The following VIRMA variants were observed in gnomAD, a reference collection of about 807,000 sequenced individuals.
The protein encoded by VIRMA is vir like m6A methyltransferase associated, also known as protein virilizer homolog.
A neutral mutation model predicts 182.4 loss-of-function variants in VIRMA; 65 were observed. The observed-to-expected ratio is 0.36, with a 90% confidence interval of 0.29 to 0.44. The LOEUF (loss-of-function observed/expected upper bound fraction) is 0.44, where lower values mean the gene tolerates loss of function less well. Among genes scored for constraint, VIRMA ranks in the 20% least tolerant of loss-of-function variants. VIRMA has a pLI of 1.00. For missense variants in VIRMA, 1,752 were observed against 2,158.1 expected (o/e 0.81, Z 3.73); for synonymous variants, 709 against 743.1 (o/e 0.95, Z 0.75).
chr8:94,516,627 T>G (rs1586085220), intron 10 of VIRMA, among the ~76,000 whole-genome samples: 1 of 152,184 alleles, frequency 6.6e-6, no homozygotes, highest in African/African-American at 2.4e-5. Context: ...ATCTTTCTTA[T>G]ATATAGAATA....
intron 11 of VIRMA, 77 bp from the exon 12 acceptor site, chr8:94,512,166 T>G: frequency 1.8e-6 from 1 of 549,270 alleles, no homozygotes. Flanking sequence ...GACAAGGAAT[T>G]ACTTGAAAAT....
chr8:94,535,669 T>C (rs2130371661), intron 4 of VIRMA, among the ~76,000 whole-genome samples: 1 of 151,692 alleles, frequency 6.6e-6, no homozygotes, highest in Admixed American at 6.6e-5. Flanking sequence ...TAATCCCAGA[T>C]ACTCAGGAGA....
intron 8 of VIRMA, among the ~76,000 whole-genome samples, chr8:94,520,243 C>T (rs1814716233): frequency 6.6e-6 from 1 of 150,528 alleles, no homozygotes; most frequent in Non-Finnish European, 1.5e-5. Context: ...ACCTGTAATC[C>T]CAGCACTCTG....
In VIRMA at chr8:94,490,022, C is replaced by G; in HGVS notation, c.5201G>C (p.Arg1734Pro). The G allele has an allele frequency of 6.2e-7, 1 of 1,614,138 alleles. No homozygotes were observed. Among genetic ancestry groups the G allele is most frequent in the Admixed American group, 1.7e-5 (1 of 60,022 alleles). Residue 1734 changes from arginine to proline, a missense_variant, in exon 23 of 24, where the codon CGA becomes CCA. Around this residue, in one of 11 missense-constraint regions of VIRMA, gnomAD observed 132 missense variants for 173.8 expected, o/e 0.76. Coordinates refer to ENST00000297591, the MANE Select transcript of VIRMA (RefSeq NM_015496.5). ...GSSWSAQNTP[R>P]GNYNESRGGQ... ...TCCACGACTTTCATTGTAATTTCCT[C>G]GAGGAGTATTCTGAGCACTCCAACT...
At chr8:94,534,702 TCTCTCCCC>T in intron 5 of VIRMA, 129 bp downstream of exon 5, 1 of 741,558 alleles carries the variant, frequency 1.3e-6, no homozygotes, top group East Asian at 4.0e-5. Flanking sequence ...CCTCCCTCCC[TCTCTCCCC>T]CTCTCTTCCT....
Position 94,489,978 on chromosome 8 carries a change from T to C in VIRMA, c.5245A>G (p.Arg1749Gly). Residue 1749 changes from arginine to glycine, a missense_variant, in exon 23 of 24, where the codon AGA becomes GGA. Around this residue, in one of 11 missense-constraint regions of VIRMA, gnomAD observed 132 missense variants for 173.8 expected, o/e 0.76. Coordinates refer to ENST00000297591, the MANE Select transcript of VIRMA (RefSeq NM_015496.5). ...ESRGGQSNFN[R>G]GPLPPLRPLS... ...GGTCGTAATGGTGGAAGAGGGCCTC[T>C]GTTAAAATTGCTCTGGCCTCCACGA... 6.2e-7 allele frequency: 1 copy of C among 1,614,188 alleles called. No individual in the cohort carries two copies. The highest frequency in any genetic ancestry group is 8.5e-7 in the Non-Finnish European group (1 of 1,180,038).
chr8:94,543,946 T>C lies in VIRMA; in HGVS notation c.64-4A>G. ...CCACATCTATATGAGAACTTTGCTG[T>C]AACAAAAAAAAAGCCGGAGGGGGAG... is the stretch of plus-strand genomic sequence containing the variant. On this transcript the variant is annotated splice_region_variant and splice_polypyrimidine_tract_variant and intron_variant, in intron 1 of 23. Coordinates refer to ENST00000297591, the MANE Select transcript of VIRMA (RefSeq NM_015496.5). The C allele has an allele frequency of 1.9e-6, 3 of 1,539,456 alleles. No individual in the cohort carries two copies. The highest frequency in any genetic ancestry group is 2.7e-6 in the Non-Finnish European group (3 of 1,123,674).
At position 94,553,323 on chromosome 8, in the gene VIRMA, C is replaced by T. The variant is rs1249807155; in HGVS notation, c.63+62G>A. The T allele has an allele frequency of 3.9e-6, 6 of 1,528,526 alleles. No individual in the cohort carries two copies. In the African/African-American group the frequency reaches 5.5e-5, roughly 14 times the overall value. The allele number at this position is 1,528,526 out of a possible 1,614,324, so 94.7% of individuals were successfully genotyped here. ...AGAAGGAAAAGTGGAGAACGCCTAA[C>T]GGTTTTTTTGTAAAGATCCCAAGTC... On this transcript the variant is annotated intron_variant, in intron 1 of 23. Coordinates refer to ENST00000297591, the MANE Select transcript of VIRMA (RefSeq NM_015496.5).
At chr8:94,525,476 G>T (rs1293262074) in intron 8 of VIRMA, among the ~76,000 whole-genome samples, 3 of 152,182 alleles carry the variant, frequency 2.0e-5, no homozygotes, top group Admixed American at 2.0e-4. Flanking sequence ...AAGACAAGGT[G>T]TAACAGTTTC....
At chr8:94,506,166 T>A (rs931608813) in intron 16 of VIRMA, among the ~76,000 whole-genome samples, 52 of 152,314 alleles carry the variant, frequency 3.4e-4, no homozygotes, top group Admixed American at 1.0e-3. Context: ...ATAAAATCCC[T>A]CTAGCATCCA....
At chr8:94,535,518 C>T (rs1309067784) in intron 4 of VIRMA, among the ~76,000 whole-genome samples, 1 of 152,180 alleles carries the variant, frequency 6.6e-6, no homozygotes. Context: ...GGTGCAGTGG[C>T]TCACGCCTGT....
At chr8:94,533,633 T>TTTTTTTG (rs1554558910) in intron 5 of VIRMA, 2 of 144,068 alleles carry the variant, frequency 1.4e-5, no homozygotes, top group East Asian at 2.0e-4. Context: ...TTTTTTTTTT[T>TTTTTTTG]GGGAGGGGCA....
In VIRMA at chr8:94,515,748, C is replaced by T. The variant is rs142555790; in HGVS notation, c.2669-797G>A. Among the ~76,000 whole-genome samples the T allele has an allele frequency of 2.3e-3, 356 of 152,100 alleles. 1 individual carries two copies. Among genetic ancestry groups the T allele is most frequent in the Non-Finnish European group, 3.5e-3 (235 of 67,964 alleles). ...TTATGCAAATTTAGATGTTTACATG[C>T]TTAAATAGTCTATATAATTAAAATG... On this transcript the variant is annotated intron_variant, in intron 10 of 23. Transcript: ENST00000297591.
chr8:94,551,031 A>G (rs1240062794), intron 1 of VIRMA, among the ~76,000 whole-genome samples: 1 of 152,156 alleles, frequency 6.6e-6, no homozygotes, highest in Non-Finnish European at 1.5e-5. Flanking sequence ...AAAGTCTGTA[A>G]TTCTTTGTCG....
At chr8:94,510,001 A>G (rs940865785) in intron 14 of VIRMA, 61 bp from the exon 15 acceptor site, 1 of 1,440,726 alleles carries the variant, frequency 6.9e-7, no homozygotes, top group African/African-American at 1.4e-5. Flanking sequence ...TTGTTTAACT[A>G]GTATTTATTT....
intron 4 of VIRMA, among the ~76,000 whole-genome samples, chr8:94,535,549 C>T (rs1030110671): frequency 2.0e-5 from 3 of 152,062 alleles, no homozygotes; most frequent in African/African-American, 7.2e-5. Flanking sequence ...CTTTGGAAGG[C>T]TAAGGTGGGT....
chr8:94,494,963 C>T lies in VIRMA; in HGVS notation c.4545-7G>A. On this transcript the variant is annotated splice_region_variant and splice_polypyrimidine_tract_variant and intron_variant, in intron 19 of 23. Coordinates refer to ENST00000297591, the MANE Select transcript of VIRMA (RefSeq NM_015496.5). ...AGCAAGCACATAGGCAGTCCTGGAA[C>T]AAGAAAAGTATCTGGTGAAAAGCAG... 6.4e-7 allele frequency: 1 copy of T among 1,562,658 alleles called. No individual in the cohort carries two copies. The highest frequency in any genetic ancestry group is 8.8e-7 in the Non-Finnish European group (1 of 1,138,860).
intron 1 of VIRMA, among the ~76,000 whole-genome samples, chr8:94,547,849 C>A (rs1164383162): frequency 6.8e-6 from 1 of 147,132 alleles, no homozygotes; most frequent in Non-Finnish European, 1.5e-5. Context: ...CCTGGCAACA[C>A]GGCAAGACTC....
At chr8:94,548,802 C>G (rs1219078911) in intron 1 of VIRMA, among the ~76,000 whole-genome samples, 1 of 152,190 alleles carries the variant, frequency 6.6e-6, no homozygotes, top group Non-Finnish European at 1.5e-5. Context: ...ACTACAGGCG[C>G]ATACCATCAC....
Sources: allele counts gnomAD v4.1 joint callset (sites outside exome capture counted in the v4.1 genomes callset), GRCh38; gene constraint gnomAD v4.1.1; regional missense constraint gnomAD v4.1.1; transcripts MANE v1.5; gene names NCBI Gene and HGNC (gene_info 2026-07-23, HGNC 2026-07-21).